Variants in EPHA5 observed in about 807,000 individuals in gnomAD.
EPHA5 encodes EPH receptor A5, also known as ephrin type-A receptor 5.
A neutral mutation model predicts 105.0 loss-of-function variants in EPHA5; 60 were observed. The observed-to-expected ratio is 0.57, with a 90% CI of 0.46 to 0.71. The LOEUF (loss-of-function observed/expected upper bound fraction) is 0.71. EPHA5 is among the 30% of genes least tolerant of loss of function. The pLI is 0.00. For missense variants in EPHA5, 1,218 were observed against 1,274.7 expected, an observed-to-expected ratio of 0.96 and a Z score of 0.68; for synonymous variants, 513 against 449.1, an observed-to-expected ratio of 1.14 and a Z score of -1.80.
At chr4:65,545,697 T>C (rs142920360) in intron 3 of EPHA5, among the ~76,000 whole-genome samples, 1 of 152,086 alleles carries the variant, frequency 6.6e-6, no homozygotes, top group East Asian at 1.9e-4. Flanking sequence ...CATTAGGTGA[T>C]ATTCTAAGTG....
At chr4:65,597,159 A>G (rs756383162) in intron 3 of EPHA5, among the ~76,000 whole-genome samples, 4 of 152,118 alleles carry the variant, frequency 2.6e-5, no homozygotes, top group Admixed American at 2.6e-4. Context: ...AGCATGTACT[A>G]TATACCTTCT....
At chr4:65,540,022 C>T in intron 3 of EPHA5, among the ~76,000 whole-genome samples, 1 of 151,326 alleles carries the variant, frequency 6.6e-6, no homozygotes, top group South Asian at 2.1e-4. Context: ...AGTTATGTAC[C>T]ATGATTCTTC....
chr4:65,615,907 A>G (rs913987142), intron 2 of EPHA5, among the ~76,000 whole-genome samples: 1 of 151,914 alleles, frequency 6.6e-6, no homozygotes, highest in African/African-American at 2.4e-5. Context: ...TGAAATTGCC[A>G]TTAAAAGGAG....
chr4:65,496,527 A>G (rs1046641926), intron 3 of EPHA5, among the ~76,000 whole-genome samples: 2 of 151,154 alleles, frequency 1.3e-5, no homozygotes, highest in Admixed American at 6.6e-5. Flanking sequence ...ATGATTTCCA[A>G]TTTCATCCAT....
intron 3 of EPHA5, among the ~76,000 whole-genome samples, chr4:65,496,353 A>G (rs1358681365): frequency 2.7e-5 from 4 of 146,972 alleles, no homozygotes; most frequent in Non-Finnish European, 6.0e-5. Flanking sequence ...AGCATTAGGT[A>G]TATCTCCCAA....
chr4:65,639,249 G>T (rs1012397433), intron 2 of EPHA5, among the ~76,000 whole-genome samples: 1 of 152,142 alleles, frequency 6.6e-6, no homozygotes, highest in Non-Finnish European at 1.5e-5. Context: ...TATTTCTAAA[G>T]TTATATTTCC....
intron 3 of EPHA5, among the ~76,000 whole-genome samples, chr4:65,501,862 G>T (rs1427392293): frequency 1.3e-5 from 2 of 151,720 alleles, no homozygotes; most frequent in Non-Finnish European, 3.0e-5. Context: ...ACAGTATAAG[G>T]TTCCAGTAAG....
chr4:65,612,407 A>G (rs1004506345), intron 2 of EPHA5, among the ~76,000 whole-genome samples: 1 of 152,190 alleles, frequency 6.6e-6, no homozygotes, highest in Non-Finnish European at 1.5e-5. Flanking sequence ...GCTACCACTT[A>G]TAAGTGGGAA....
intron 3 of EPHA5, among the ~76,000 whole-genome samples, chr4:65,541,958 C>T (rs1578379730): frequency 6.6e-6 from 1 of 151,970 alleles, no homozygotes; most frequent in East Asian, 1.9e-4. Flanking sequence ...CACACGACAA[C>T]ATGGAAATTG....
chr4:65,510,590 CA>C (rs1733521969), intron 3 of EPHA5, among the ~76,000 whole-genome samples: 3 of 152,180 alleles, frequency 2.0e-5, no homozygotes, highest in African/African-American at 7.2e-5. Flanking sequence ...AGGTTTTAAT[CA>C]GAATGTGTAT....
intron 3 of EPHA5, among the ~76,000 whole-genome samples, chr4:65,591,152 G>A (rs1256111505): frequency 1.3e-5 from 2 of 151,978 alleles, no homozygotes; most frequent in Non-Finnish European, 2.9e-5. Context: ...TTATTATCCT[G>A]TCTAAAATAA....
At chr4:65,618,928 G>T (rs1014520180) in intron 2 of EPHA5, among the ~76,000 whole-genome samples, 8 of 152,188 alleles carry the variant, frequency 5.3e-5, no homozygotes, top group African/African-American at 1.9e-4. Flanking sequence ...GCCTAGGCGG[G>T]TAGATGATTT....
chr4:65,492,145 T>A (rs775100512), intron 4 of EPHA5, among the ~76,000 whole-genome samples: 18 of 152,120 alleles, frequency 1.2e-4, no homozygotes, highest in Non-Finnish European at 2.2e-4. Flanking sequence ...TTTGAGGGAT[T>A]GTTTTAAAAG....
Position 65,669,605 on chromosome 4 carries a change from CAGG to C in EPHA5, c.135_137del (p.Leu46del). On this transcript the variant is annotated inframe_deletion, in exon 1 of 17. Coordinates refer to ENST00000613740, the MANE Select transcript of EPHA5 (RefSeq NM_001281766.3). ...CCAGGAGGGTCCGGAGTGCGGCGCA[CAGG>C]AGAAGGCACGTCCAGAGGGGAGCCC... The C allele has an allele frequency of 1.4e-6, 2 of 1,434,714 alleles. No homozygotes were observed. The highest frequency in any genetic ancestry group is 1.8e-6 in the Non-Finnish European group (2 of 1,088,194). 88.9% of individuals were successfully genotyped at this position (1,434,714 alleles called of 1,614,324 possible).
At chr4:65,551,490 G>T (rs1737918904) in intron 3 of EPHA5, among the ~76,000 whole-genome samples, 1 of 151,994 alleles carries the variant, frequency 6.6e-6, no homozygotes, top group African/African-American at 2.4e-5. Flanking sequence ...AAAAGAACAA[G>T]ATAAGCAACA....
chr4:65,374,595 C>T (rs1466050788), intron 8 of EPHA5, among the ~76,000 whole-genome samples: 1 of 151,838 alleles, frequency 6.6e-6, no homozygotes, highest in African/African-American at 2.4e-5. Flanking sequence ...TTCTTCGGAA[C>T]GCTAAATTTC....
chr4:65,496,635 G>C (rs953859167), intron 3 of EPHA5, among the ~76,000 whole-genome samples: 5 of 151,398 alleles, frequency 3.3e-5, no homozygotes, highest in African/African-American at 1.2e-4. Flanking sequence ...ATCATTGTTG[G>C]ACATTTGGGT....
At chr4:65,498,929 G>T (rs141089217) in intron 3 of EPHA5, among the ~76,000 whole-genome samples, 1 of 151,204 alleles carries the variant, frequency 6.6e-6, no homozygotes, top group African/African-American at 2.4e-5. Flanking sequence ...TACCCTGCTA[G>T]ACAAACTTAT....
At chr4:65,525,979 T>A (rs1735191682) in intron 3 of EPHA5, among the ~76,000 whole-genome samples, 1 of 151,638 alleles carries the variant, frequency 6.6e-6, no homozygotes, top group African/African-American at 2.4e-5. Flanking sequence ...CAAATTACAC[T>A]CTCTGAATAA....
Sources: gnomAD v4.1 joint callset for allele counts (sites outside exome capture counted in the v4.1 genomes callset) on GRCh38, gnomAD v4.1.1 for gene constraint, MANE v1.5 for transcripts, NCBI Gene and HGNC (gene_info 2026-07-23, HGNC 2026-07-21) for gene names.